BCAS4: variants seen among roughly 807,000 people sequenced by gnomAD.
The protein encoded by BCAS4 is breast carcinoma-amplified sequence 4.
A neutral mutation model predicts 15.7 loss-of-function variants in BCAS4; 9 were observed. That is an observed-to-expected ratio of 0.57 (90% confidence interval 0.34 to 1.00). The LOEUF (loss-of-function observed/expected upper bound fraction) is 1.00. BCAS4 is among the 50% of genes least tolerant of loss of function. The pLI, the probability that BCAS4 is intolerant of heterozygous loss-of-function variation, is 0.02. For synonymous variants in BCAS4, 101 were observed against 99.5 expected, an observed-to-expected ratio of 1.02 and a Z score of -0.09; for missense variants, 225 against 239.1, an observed-to-expected ratio of 0.94 and a Z score of 0.39.
At chr20:50,861,812 T>A (rs1979087189) in intron 4 of BCAS4, among the ~76,000 whole-genome samples, 1 of 151,454 alleles carries the variant, frequency 6.6e-6, no homozygotes, top group Admixed American at 6.6e-5. Context: ...CTTTTCTTTT[T>A]CTTTCTTTCT....
At chr20:50,818,873 G>T (rs1034422605) in intron 2 of BCAS4, among the ~76,000 whole-genome samples, 2 of 152,156 alleles carry the variant, frequency 1.3e-5, no homozygotes, top group African/African-American at 4.8e-5. Context: ...AGCCTCCCAC[G>T]CCAGAGTCTC....
At chr20:50,864,378 G>T (rs1447360894) in intron 4 of BCAS4, among the ~76,000 whole-genome samples, 2 of 151,298 alleles carry the variant, frequency 1.3e-5, no homozygotes, top group Admixed American at 1.3e-4. Flanking sequence ...GGATTGTTGT[G>T]TGTGATCATC....
chr20:50,871,321 T>G (rs1185201456), intron 4 of BCAS4, among the ~76,000 whole-genome samples: 1 of 152,166 alleles, frequency 6.6e-6, no homozygotes, highest in African/African-American at 2.4e-5. Flanking sequence ...GAAAGTGGTT[T>G]CCATGGCATG....
chr20:50,852,537 A>G (rs1978493350), intron 4 of BCAS4, among the ~76,000 whole-genome samples: 1 of 152,026 alleles, frequency 6.6e-6, no homozygotes, highest in African/African-American at 2.4e-5. Flanking sequence ...GCCCGCCACC[A>G]TGACTGGCTA....
chr20:50,848,688 C>T lies in BCAS4; in HGVS notation c.399+6788C>T, dbSNP rs184428673. On this transcript the variant is annotated intron_variant, in intron 4 of 4. Transcript: ENST00000371608. ...TCAGGCTGGCATTCGGGGTCTGTGA[C>T]GTCTTAGGACTTGAACACCAGAGCT... Among the ~76,000 whole-genome samples, 6 of 152,368 alleles carry T rather than the reference C, an allele frequency of 3.9e-5. No homozygotes were observed. The East Asian group carries it at 1.2e-3, about 29-fold the overall frequency.
intron 1 of BCAS4, among the ~76,000 whole-genome samples, chr20:50,798,855 G>C (rs551535186): frequency 6.6e-6 from 1 of 152,346 alleles, no homozygotes; most frequent in African/African-American, 2.4e-5. Context: ...TGTCACGGCA[G>C]TGACCTGGTG....
rs144578227 is a variant in BCAS4 at position 50,823,272 on chromosome 20, G to A, written c.162+4990G>A. Among the ~76,000 whole-genome samples the A allele has an allele frequency of 5.3e-3, 812 of 152,008 alleles. 1 individual carries two copies. The highest frequency in any genetic ancestry group is 8.9e-3 in the African/African-American group (368 of 41,492). On this transcript the variant is annotated intron_variant, in intron 2 of 4. Transcript: ENST00000371608. ...GGAGAATCACTTGAACCCGGGAGGC[G>A]GAAGTTGCAGTGAGCTGAGATTGCA...
intron 1 of BCAS4, among the ~76,000 whole-genome samples, chr20:50,812,659 C>T (rs1200142375): frequency 6.6e-6 from 1 of 151,392 alleles, no homozygotes; most frequent in African/African-American, 2.4e-5. Flanking sequence ...AGGCTGGTCT[C>T]GAACTCCTGA....
intron 4 of BCAS4, among the ~76,000 whole-genome samples, chr20:50,867,721 C>T (rs749615992): frequency 6.6e-6 from 1 of 152,168 alleles, no homozygotes; most frequent in Non-Finnish European, 1.5e-5. Context: ...CGAGATCAGC[C>T]TAGTCAACAT....
intron 2 of BCAS4, among the ~76,000 whole-genome samples, chr20:50,821,702 C>T (rs1052004141): frequency 4.6e-5 from 7 of 152,126 alleles, no homozygotes; most frequent in African/African-American, 1.4e-4. Flanking sequence ...CTGGGCTGCA[C>T]GGTTTAGAGA....
At chr20:50,844,748 T>TTC (rs1305781064) in intron 4 of BCAS4, among the ~76,000 whole-genome samples, 2 of 151,366 alleles carry the variant, frequency 1.3e-5, no homozygotes, top group Non-Finnish European at 2.9e-5. Flanking sequence ...GGATGTGGCA[T>TTC]CCCCCCCCGG....
chr20:50,872,263 CAAAAAAAAAA>C (rs71192504), intron 4 of BCAS4, among the ~76,000 whole-genome samples: 1 of 62,738 alleles, frequency 1.6e-5, no homozygotes, highest in African/African-American at 8.3e-5. Flanking sequence ...GACTCTGTCT[CAAAAAAAAAA>C]AAAAAAAAAA....
chr20:50,812,791 A>AT (rs2088087807), intron 1 of BCAS4, among the ~76,000 whole-genome samples: 1 of 151,494 alleles, frequency 6.6e-6, no homozygotes. Flanking sequence ...GTGAGAGCAT[A>AT]TTTTTCATTT....
In BCAS4 at chr20:50,876,743, T is replaced by A; in HGVS notation, c.*135T>A. 1 of 1,170,694 alleles carries A rather than the reference T, an allele frequency of 8.5e-7. No individual in the cohort carries two copies. The highest frequency in any genetic ancestry group is 1.1e-6 in the Non-Finnish European group (1 of 891,064). The allele number at this position is 1,170,694 out of a possible 1,614,324, so 72.5% of individuals were successfully genotyped here. ...AAAAAATGTCGAGATGGGGTCTCAC[T>A]ATGTTGTCCAGACTGATCTCAAACT... is the stretch of plus-strand genomic sequence containing the variant. On this transcript the variant is annotated 3_prime_UTR_variant, in exon 5 of 5. Coordinates refer to ENST00000371608, the MANE Select transcript of BCAS4 (RefSeq NM_198799.4).
chr20:50,836,450 A>T (rs898056713), intron 3 of BCAS4, among the ~76,000 whole-genome samples: 2 of 152,176 alleles, frequency 1.3e-5, no homozygotes, highest in African/African-American at 4.8e-5. Context: ...ATTAAATGAG[A>T]CCCGCACCTG....
intron 4 of BCAS4, among the ~76,000 whole-genome samples, chr20:50,873,820 T>C (rs1447248343): frequency 6.6e-6 from 1 of 152,194 alleles, no homozygotes; most frequent in African/African-American, 2.4e-5. Flanking sequence ...GGGCACAACG[T>C]TCCATTCGCC....
chr20:50,840,441 G>C (rs567348631), intron 3 of BCAS4: 2 of 780,526 alleles, frequency 2.6e-6, no homozygotes, highest in East Asian at 5.3e-5. Flanking sequence ...TAGACAGATG[G>C]GAGAGGCAGT....
chr20:50,809,106 T>C (rs1267122805), intron 1 of BCAS4, among the ~76,000 whole-genome samples: 2 of 152,238 alleles, frequency 1.3e-5, no homozygotes, highest in African/African-American at 4.8e-5. Context: ...TCTCCACTTC[T>C]GGTTTTTGTT....
rs1049484156 is a variant in BCAS4, at chr20:50,826,164, G to A, written c.163-4115G>A. On this transcript the variant is annotated intron_variant, in intron 2 of 4. Transcript: ENST00000371608. ...AATTATCTGCTCTTTGCTACATCAGGGTGATTTTCTCCAAGTTTAGCCTTG... is the reference window on the plus strand; with the variant it reads ...AATTATCTGCTCTTTGCTACATCAGAGTGATTTTCTCCAAGTTTAGCCTTG... Among the ~76,000 whole-genome samples, 5 of 152,168 alleles carry A rather than the reference G, an allele frequency of 3.3e-5. No individual in the cohort carries two copies. The South Asian group carries it at 8.3e-4, about 25-fold the overall frequency.
Sources: allele counts gnomAD v4.1 joint callset (sites outside exome capture counted in the v4.1 genomes callset), GRCh38; gene constraint gnomAD v4.1.1; transcripts MANE v1.5; gene names NCBI Gene and HGNC (gene_info 2026-07-23, HGNC 2026-07-21).